The following MCF2L variants were observed in gnomAD, a reference collection of about 807,000 sequenced individuals.
MCF2L encodes the protein guanine nucleotide exchange factor DBS.
In MCF2L, 97 loss-of-function variants were observed where a neutral mutation model predicts 153.4. That is an observed-to-expected ratio of 0.63 (90% CI 0.54 to 0.75). The LOEUF is 0.75. Among genes scored for constraint, MCF2L ranks in the 30% least tolerant of loss-of-function variants. The pLI, the probability that MCF2L is intolerant of heterozygous loss-of-function variation, is 0.00. For synonymous variants in MCF2L, 659 were observed against 632.2 expected, an observed-to-expected ratio of 1.04 and a Z score of -0.64; for missense variants, 1,347 against 1,495.2, an observed-to-expected ratio of 0.90 and a Z score of 1.64.
At chr13:113,082,369 CTG>C in intron 16 of MCF2L, 56 bp from the exon 17 acceptor site, 1 of 1,019,658 alleles carries the variant, frequency 9.8e-7, no homozygotes, top group Non-Finnish European at 1.6e-6. Context: ...CCTGGCCCAC[CTG>C]CCCCCCCACA....
At chr13:113,089,808 C>G (rs1160647087) in intron 26 of MCF2L, 80 bp downstream of exon 26, 4 of 1,601,198 alleles carry the variant, frequency 2.5e-6, no homozygotes, top group Admixed American at 1.7e-5. Context: ...ATCCGAGAAA[C>G]CTGCGCTTCC....
chr13:113,014,238 G>A (rs535208942), intron 1 of MCF2L, among the ~76,000 whole-genome samples: 13 of 152,214 alleles, frequency 8.5e-5, no homozygotes, highest in South Asian at 6.2e-4. Context: ...ATTTGTGTCC[G>A]TCTAATGGCG....
chr13:112,953,652 C>T (rs1348310528), intron 2 of MCF2L, among the ~76,000 whole-genome samples: 1 of 152,212 alleles, frequency 6.6e-6, no homozygotes, highest in Non-Finnish European at 1.5e-5. Flanking sequence ...GGCAGGAGAC[C>T]AGCTCAGTCT....
Position 113,078,692 on chromosome 13 carries a change from C to A in MCF2L, c.1761C>A (p.Gly587=). Residue 587 remains glycine (G), a synonymous_variant, in exon 15 of 30, where the codon GGC becomes GGA. Coordinates refer to ENST00000535094, the MANE Select transcript of MCF2L (RefSeq NM_001112732.3). The part of the protein sequence containing the change: ...AKSEMSESRQ[G]RGSAGEEEES... Reference sequence around the variant, plus strand: ...GTGAGATGAGTGAGAGCCGGCAGGGCCGCGGCTCAGCGGGGGAGGAGGAGG... The same window carrying A: ...GTGAGATGAGTGAGAGCCGGCAGGGACGCGGCTCAGCGGGGGAGGAGGAGG... 1 of 1,611,558 alleles carries A rather than the reference C, an allele frequency of 6.2e-7. No individual in the cohort carries two copies.
At chr13:113,065,968 G>T in intron 7 of MCF2L, 78 bp from the exon 8 acceptor site, 1 of 1,482,168 alleles carries the variant, frequency 6.7e-7, no homozygotes. Context: ...TCAAGAGCAA[G>T]GCCCCACGAG....
At chr13:113,033,426 CCATGA>C (rs2085918115) in intron 3 of MCF2L, among the ~76,000 whole-genome samples, 23 of 128,390 alleles carry the variant, frequency 1.8e-4, no homozygotes, top group East Asian at 5.7e-4. Context: ...TGAGTGGCCC[CCATGA>C]TGTGAGTGGC....
intron 1 of MCF2L, among the ~76,000 whole-genome samples, chr13:113,013,405 A>G (rs2084302891): frequency 6.6e-6 from 1 of 152,048 alleles, no homozygotes; most frequent in South Asian, 2.1e-4. Context: ...TTCCCCCCCA[A>G]CACCAGGGTT....
At chr13:112,924,971 G>A (rs901336959) in intron 2 of MCF2L, among the ~76,000 whole-genome samples, 3 of 152,186 alleles carry the variant, frequency 2.0e-5, no homozygotes, top group East Asian at 1.9e-4. Context: ...TGTAAATTTC[G>A]TGCTGGAAAA....
intron 16 of MCF2L, 24 bp downstream of exon 16, chr13:113,081,303 C>T (rs776857722): frequency 2.0e-5 from 32 of 1,564,080 alleles, no homozygotes; most frequent in Admixed American, 3.8e-5. Flanking sequence ...CGGGGAGGGC[C>T]GACTGCCACG....
chr13:112,926,293 T>C (rs147396627), intron 2 of MCF2L, among the ~76,000 whole-genome samples: 17 of 97,102 alleles, frequency 1.8e-4, no homozygotes, highest in South Asian at 7.6e-4. Flanking sequence ...GAGTGCTGCA[T>C]GGCCTGGTCT....
rs747191099 is a variant in MCF2L at position 112,960,460 on chromosome 13, C to G, written c.170-54303C>G. Among the ~76,000 whole-genome samples, 42 of 152,142 alleles carry G rather than the reference C, an allele frequency of 2.8e-4. No individual in the cohort carries two copies. Among genetic ancestry groups the G allele is most frequent in the Non-Finnish European group, 5.0e-4 (34 of 68,038 alleles). ...ATTAAACCCCAGCAGACTGCCTTGT[C>G]CCCTGCTCATTTTGGTTGTTGCATT... On this transcript the variant is annotated intron_variant, in intron 2 of 29. Coordinates refer to the MCF2L transcript ENST00000375608. The surrounding 1 kb of genome is among the most constrained non-coding windows in gnomAD (Gnocchi z 4.2).
intron 23 of MCF2L, 58 bp from the exon 24 acceptor site, chr13:113,088,269 A>G: frequency 7.2e-7 from 1 of 1,380,470 alleles, no homozygotes. Context: ...GTGAAACCAA[A>G]GCGTGTTTCC....
intron 4 of MCF2L, among the ~76,000 whole-genome samples, chr13:113,058,752 T>G (rs115072834): frequency 2.0e-5 from 1 of 49,508 alleles, no homozygotes. Flanking sequence ...GTGGGCGCTG[T>G]GTGTTTGGGG....
At position 112,993,824 on chromosome 13, in the gene MCF2L, T is replaced by G. The variant is rs1020366348; in HGVS notation, c.80-20939T>G. On this transcript the variant is annotated intron_variant, in intron 1 of 29. Transcript: ENST00000535094. This position sits in a 1 kb window ranked among gnomAD's most constrained non-coding sequence, Gnocchi z 4.6. ...GATGACACCACAGATACCTTGGAGATCTGCCTCCAGTTAAGAGACGTGTTT... is the reference window on the plus strand; with the variant it reads ...GATGACACCACAGATACCTTGGAGAGCTGCCTCCAGTTAAGAGACGTGTTT... Among the ~76,000 whole-genome samples the G allele has an allele frequency of 1.2e-4, 19 of 152,086 alleles. No individual in the cohort carries two copies. Among genetic ancestry groups the G allele is most frequent in the African/African-American group, 4.6e-4 (19 of 41,408 alleles).
At chr13:112,902,569 G>A (rs1470630849) in intron 2 of MCF2L, among the ~76,000 whole-genome samples, 1 of 152,166 alleles carries the variant, frequency 6.6e-6, no homozygotes, top group East Asian at 1.9e-4. Flanking sequence ...GTCCAAGTTG[G>A]GACGACTTGC....
intron 1 of MCF2L, among the ~76,000 whole-genome samples, chr13:113,010,589 TG>T (rs2084026202): frequency 6.6e-6 from 1 of 152,128 alleles, no homozygotes; most frequent in Non-Finnish European, 1.5e-5. Flanking sequence ...GTGCTGGGGA[TG>T]GGCAGGGGCA....
chr13:113,090,367 C>G, intron 26 of MCF2L: 4 of 985,466 alleles, frequency 4.1e-6, no homozygotes, highest in Non-Finnish European at 3.6e-6. Context: ...TGAAGGCGAG[C>G]TTTTCAAATG....
rs1437065235 is a variant in MCF2L, at chr13:112,946,079, CATTTGT to C, written c.169+43715_169+43720del. Among the ~76,000 whole-genome samples, 32 of 152,220 alleles carry C rather than the reference CATTTGT, an allele frequency of 2.1e-4. 1 individual carries two copies. Among genetic ancestry groups the C allele is most frequent in the African/African-American group, 5.8e-4 (24 of 41,536 alleles). ...GTCTTTGAAATTTTAAACTCTCTTC[CATTTGT>C]ATTTGTTGAAATTCTAGAGCTTTTG... is the stretch of plus-strand genomic sequence containing the variant. On this transcript the variant is annotated intron_variant, in intron 2 of 29. Coordinates refer to the MCF2L transcript ENST00000375608.
At position 113,078,418 on chromosome 13, in the gene MCF2L, G is replaced by T. The variant is rs781583777; in HGVS notation, c.1716G>T (p.Gly572=). ...SSSEGGALRR[G]PYRRAKSEMS... ...CCGAGGGCGGTGCGCTCCGGAGAGGGCCCTACCGGAGGGCCAAGGTGAGGC... is the reference window on the plus strand; with the variant it reads ...CCGAGGGCGGTGCGCTCCGGAGAGGTCCCTACCGGAGGGCCAAGGTGAGGC... Residue 572 remains glycine (G), a synonymous_variant, in exon 14 of 30, where the codon GGG becomes GGT. Coordinates refer to ENST00000535094, the MANE Select transcript of MCF2L (RefSeq NM_001112732.3). 9.9e-6 allele frequency: 16 copies of T among 1,612,308 alleles called. No individual in the cohort carries two copies. Among genetic ancestry groups the T allele is most frequent in the Admixed American group, 1.7e-5 (1 of 59,896 alleles).
Sources: gnomAD v4.1 joint callset for allele counts (sites outside exome capture counted in the v4.1 genomes callset) on GRCh38, gnomAD v4.1.1 for gene constraint, Gnocchi (gnomAD v3.1) non-coding constraint, MANE v1.5 for transcripts, NCBI Gene and HGNC (gene_info 2026-07-23, HGNC 2026-07-21) for gene names.